Variants in TMSB4X observed in about 807,000 individuals in gnomAD.
The protein encoded by TMSB4X is thymosin beta-4.
TMSB4X carries 1 observed loss-of-function variant against 3.6 expected under a neutral mutation model. That is an observed-to-expected ratio of 0.28 (90% CI 0.10 to 1.32). TMSB4X has a LOEUF of 1.32. Among genes scored for constraint, TMSB4X ranks in the 40% most tolerant of loss-of-function variants. TMSB4X has a pLI of 0.45. For missense variants in TMSB4X, 6 were observed against 32.7 expected (o/e 0.18, Z 1.99); for synonymous variants, 12 against 14.3 (o/e 0.84, Z 0.36).
intron 1 of TMSB4X, chrX:12,975,435 C>G: frequency 8.8e-6 from 1 of 113,340 alleles, no homozygotes; most frequent in African/African-American, 3.2e-5. Context: ...TTAGTGTTTG[C>G]CCGCAAAGGT....
Position 12,976,828 on chromosome X carries a change from A to T in TMSB4X, c.*17A>T. The T allele has an allele frequency of 8.4e-7, 1 of 1,191,327 alleles. No individual in the cohort carries two copies. Among genetic ancestry groups the T allele is most frequent in the Non-Finnish European group, 1.1e-6 (1 of 884,046 alleles). ...GAATCGTAATGAGGCGTGCGCCGCC[A>T]ATATGCACTGTACATTCCACAAGCA... On this transcript the variant is annotated 3_prime_UTR_variant, in exon 3 of 3. Transcript: ENST00000451311.
intron 1 of TMSB4X, chrX:12,975,447 T>C (rs1393699793): frequency 1.8e-5 from 2 of 113,172 alleles, no homozygotes; most frequent in East Asian, 2.8e-4. Context: ...CGCAAAGGTA[T>C]TGTGCGTTGC....
chrX:12,976,843 T>C lies in TMSB4X; in HGVS notation c.*32T>C, dbSNP rs2043299195. The C allele has an allele frequency of 2.6e-6, 3 of 1,170,268 alleles. No individual in the cohort carries two copies. The highest frequency in any genetic ancestry group is 3.5e-6 in the Non-Finnish European group (3 of 866,913). ...GTGCGCCGCCAATATGCACTGTACATTCCACAAGCATTGCCTTCTTATTTT... is the reference window on the plus strand; with the variant it reads ...GTGCGCCGCCAATATGCACTGTACACTCCACAAGCATTGCCTTCTTATTTT... On this transcript the variant is annotated 3_prime_UTR_variant, in exon 3 of 3. Coordinates refer to ENST00000451311, the MANE Select transcript of TMSB4X (RefSeq NM_021109.4).
At chrX:12,976,405 G>GCCCTC in intron 2 of TMSB4X, 44 bp downstream of exon 2, 6 of 1,125,600 alleles carry the variant, frequency 5.3e-6, no homozygotes, top group Non-Finnish European at 7.3e-6. Context: ...CTGGGTGGGA[G>GCCCTC]CGGCCGGTGG....
intron 1 of TMSB4X, chrX:12,975,555 C>G (rs1370430404): frequency 8.8e-6 from 1 of 113,471 alleles, no homozygotes; most frequent in Non-Finnish European, 1.9e-5. Context: ...GCTGCGCGGG[C>G]TGCATCTGTG....
At chrX:12,976,383 T>A in intron 2 of TMSB4X, 22 bp downstream of exon 2, 2 of 1,147,276 alleles carry the variant, frequency 1.7e-6, no homozygotes, top group Non-Finnish European at 2.4e-6. Flanking sequence ...CCCACCCCCA[T>A]CTTTAGAAAG....
chrX:12,976,456 AG>A, intron 2 of TMSB4X, 95 bp downstream of exon 2: 2 of 678,217 alleles, frequency 2.9e-6, no homozygotes, highest in Non-Finnish European at 4.6e-6. Context: ...AGAATTCGGG[AG>A]GGGGGAGTGC....
In TMSB4X at chrX:12,976,049, T is replaced by A. The variant is rs755924578; in HGVS notation, c.-16-197T>A. 1.3e-4 allele frequency: 50 copies of A among 391,745 alleles called. No homozygotes were observed. In the Admixed American group the frequency reaches 1.9e-3, roughly 15 times the overall value. The allele number at this position is 391,745 out of a possible 1,213,427, so 32.3% of individuals were successfully genotyped here. ...CTTTGGTCCACAGCGTTTTGAAATA[T>A]GGGGAGGAGGGGCGCGGGGGGTGTC... is the stretch of plus-strand genomic sequence containing the variant. On this transcript the variant is annotated intron_variant, in intron 1 of 2. Coordinates refer to ENST00000451311, the MANE Select transcript of TMSB4X (RefSeq NM_021109.4).
chrX:12,976,963 A>G lies in TMSB4X; in HGVS notation c.*152A>G. Reference sequence around the variant, plus strand: ...CTTTCACATCAAAGAACTACTGACAACGAAGGCCGCGCCTGCCTTTCCCAT... The same window carrying G: ...CTTTCACATCAAAGAACTACTGACAGCGAAGGCCGCGCCTGCCTTTCCCAT... On this transcript the variant is annotated 3_prime_UTR_variant, in exon 3 of 3. Transcript: ENST00000451311. The G allele has an allele frequency of 3.0e-6, 2 of 658,799 alleles. No homozygotes were observed. Among genetic ancestry groups the G allele is most frequent in the East Asian group, 6.8e-5 (2 of 29,410 alleles). 54.3% of individuals were successfully genotyped at this position (658,799 alleles called of 1,213,427 possible). A position where few individuals can be genotyped will look rare whatever the true frequency, so the allele number is the denominator to read the frequency against.
At chrX:12,976,440 G>A in intron 2 of TMSB4X, 79 bp downstream of exon 2, 2 of 907,218 alleles carry the variant, frequency 2.2e-6, no homozygotes, top group Non-Finnish European at 3.2e-6. Context: ...GGGAGCGGCC[G>A]CGGGAAGAAT....
chrX:12,975,571 T>TGGC (rs1172138099), intron 1 of TMSB4X: 1 of 113,338 alleles, frequency 8.8e-6, no homozygotes, highest in Non-Finnish European at 1.9e-5. Context: ...CTGTGCAGCC[T>TGGC]GGCGGCGGCG....
In TMSB4X at chrX:12,976,999, A is replaced by G. The variant is rs762846337; in HGVS notation, c.*188A>G. ...GCCTGCCTTTCCCATCTGTCTATCT[A>G]TCTGGCTGGCAGGGAAGGAAAGAAC... On this transcript the variant is annotated 3_prime_UTR_variant, in exon 3 of 3. Coordinates refer to ENST00000451311, the MANE Select transcript of TMSB4X (RefSeq NM_021109.4). 3.0e-5 allele frequency: 16 copies of G among 527,191 alleles called. No individual in the cohort carries two copies. The highest frequency in any genetic ancestry group is 4.7e-5 in the Non-Finnish European group (15 of 320,218). The allele number at this position is 527,191 out of a possible 1,213,427, so 43.4% of individuals were successfully genotyped here. A position where few individuals can be genotyped will look rare whatever the true frequency, so the allele number is the denominator to read the frequency against.
intron 1 of TMSB4X, 137 bp from the exon 2 acceptor site, chrX:12,976,109 C>G (rs922215119): frequency 9.0e-6 from 4 of 446,788 alleles, no homozygotes; most frequent in Non-Finnish European, 1.6e-5. Context: ...AGCTCGTGAG[C>G]GCGGAACGGC....
intron 1 of TMSB4X, chrX:12,975,620 G>C (rs1366090341): frequency 8.8e-6 from 1 of 113,681 alleles, no homozygotes; most frequent in Non-Finnish European, 1.9e-5. Context: ...TTCTTGCAGA[G>C]ACATGTGTGC....
At chrX:12,976,458 G>C in intron 2 of TMSB4X, 97 bp downstream of exon 2, 1 of 713,383 alleles carries the variant, frequency 1.4e-6, no homozygotes, top group Admixed American at 2.8e-5. Context: ...AATTCGGGAG[G>C]GGGGAGTGCG....
At chrX:12,976,185 G>T (rs2043295188) in intron 1 of TMSB4X, 61 bp from the exon 2 acceptor site, 2 of 911,232 alleles carry the variant, frequency 2.2e-6, no homozygotes, top group Admixed American at 4.4e-5. Flanking sequence ...GCAGTTCCCA[G>T]CCCAGAGACA....
chrX:12,976,471 G>A lies in TMSB4X; in HGVS notation c.100+110G>A. 3 of 680,682 alleles carry A rather than the reference G, an allele frequency of 4.4e-6. 1 individual carries two copies. The highest frequency in any genetic ancestry group is 5.0e-5 in the South Asian group (2 of 40,207). The allele number at this position is 680,682 out of a possible 1,213,427, so 56.1% of individuals were successfully genotyped here. A position where few individuals can be genotyped will look rare whatever the true frequency, so the allele number is the denominator to read the frequency against. On this transcript the variant is annotated intron_variant, in intron 2 of 2. Coordinates refer to ENST00000451311, the MANE Select transcript of TMSB4X (RefSeq NM_021109.4). Reference sequence around the variant, plus strand: ...AGAATTCGGGAGGGGGGAGTGCGGGGGAAGAGCCGACAGTTGATGAATGTG... The same window carrying A: ...AGAATTCGGGAGGGGGGAGTGCGGGAGAAGAGCCGACAGTTGATGAATGTG...
At chrX:12,975,980 T>C in intron 1 of TMSB4X, 1 of 240,778 alleles carries the variant, frequency 4.2e-6, no homozygotes, top group Non-Finnish European at 7.5e-6. Context: ...CAGTGGTCAA[T>C]TTCCTTTATT....
chrX:12,975,265 G>A (rs1237800270), intron 1 of TMSB4X, 97 bp downstream of exon 1: 1 of 113,146 alleles, frequency 8.8e-6, no homozygotes, highest in African/African-American at 3.3e-5. Flanking sequence ...CCCTAAATCC[G>A]AGCCCGAGTG....
Sources: allele counts gnomAD v4.1 joint callset, GRCh38; gene constraint gnomAD v4.1.1; transcripts MANE v1.5; gene names NCBI Gene and HGNC (gene_info 2026-07-23, HGNC 2026-07-21).